The following DSCAM variants were observed in gnomAD, a reference collection of about 807,000 sequenced individuals.
The protein encoded by DSCAM is DS cell adhesion molecule.
Under a neutral mutation model 217.7 loss-of-function variants are expected in DSCAM, and 47 were observed. The ratio of observed to expected loss-of-function variants is 0.22; its 90% CI spans 0.17 to 0.28. The LOEUF (loss-of-function observed/expected upper bound fraction) is 0.28. DSCAM is among the 10% of genes least tolerant of loss of function. The pLI is 1.00. For missense variants in DSCAM, 2,080 were observed against 2,618.3 expected (o/e 0.79, Z 4.49); for synonymous variants, 1,056 against 1,015.3 (o/e 1.04, Z -0.76).
intron 1 of DSCAM, among the ~76,000 whole-genome samples, chr21:40,816,266 T>A (rs1332771210): frequency 6.6e-6 from 1 of 152,134 alleles, no homozygotes; most frequent in South Asian, 2.1e-4. Context: ...TCCTGCACCA[T>A]GTGATGATGA....
chr21:40,183,738 G>T (rs544194251), intron 14 of DSCAM, among the ~76,000 whole-genome samples: 11 of 152,328 alleles, frequency 7.2e-5, no homozygotes, highest in African/African-American at 2.2e-4. Flanking sequence ...TTCTCGGATT[G>T]TTCAAGCATA....
intron 3 of DSCAM, among the ~76,000 whole-genome samples, chr21:40,382,455 T>A (rs1480691923): frequency 6.6e-6 from 1 of 152,240 alleles, no homozygotes; most frequent in Non-Finnish European, 1.5e-5. Flanking sequence ...CTTGGTTGCA[T>A]TTATAATGGG....
chr21:40,071,333 T>C (rs1420063284), intron 27 of DSCAM, among the ~76,000 whole-genome samples: 2 of 152,220 alleles, frequency 1.3e-5, no homozygotes, highest in Non-Finnish European at 2.9e-5. Flanking sequence ...GAGGTCGCCA[T>C]GCTCTAAAAT....
intron 3 of DSCAM, among the ~76,000 whole-genome samples, chr21:40,371,149 A>G (rs917641856): frequency 6.6e-6 from 1 of 152,216 alleles, no homozygotes; most frequent in African/African-American, 2.4e-5. Context: ...CATTTAGTTT[A>G]AAATATGCCA....
intron 3 of DSCAM, among the ~76,000 whole-genome samples, chr21:40,470,563 G>C (rs1048037290): frequency 1.3e-5 from 2 of 152,122 alleles, no homozygotes; most frequent in Non-Finnish European, 2.9e-5. Context: ...TTGTTTATTA[G>C]GTTTTTGAGA....
intron 11 of DSCAM, among the ~76,000 whole-genome samples, chr21:40,256,692 C>A (rs1298447018): frequency 6.6e-6 from 1 of 152,172 alleles, no homozygotes; most frequent in Non-Finnish European, 1.5e-5. Context: ...ATCTACTTTA[C>A]TCAAAAATCT....
In DSCAM at chr21:40,369,385, C is replaced by CGTGTGTGTGT. The variant is rs35564463; in HGVS notation, c.509-150_509-141dup. The CGTGTGTGTGT allele has an allele frequency of 7.8e-3, 3,016 of 385,422 alleles. 36 individuals are homozygous for CGTGTGTGTGT. The highest frequency in any genetic ancestry group is 0.016 in the Admixed American group (363 of 22,458). 23.9% of individuals were successfully genotyped at this position (385,422 alleles called of 1,614,324 possible). On this transcript the variant is annotated intron_variant, in intron 3 of 32. Transcript: ENST00000400454. The stretch of plus-strand genomic sequence containing the variant: ...GGCTAAAAATGGGTGCGTGCGTCTG[C>CGTGTGTGTGT]GTGTGTGTGTGTGTGTGTGTGTGTG...
intron 3 of DSCAM, among the ~76,000 whole-genome samples, chr21:40,543,553 A>T (rs1376414483): frequency 6.6e-6 from 1 of 151,786 alleles, no homozygotes; most frequent in Non-Finnish European, 1.5e-5. Context: ...CTTTATTCAT[A>T]CCTCATGGGA....
rs1429266600 is a variant in DSCAM at position 40,093,705 on chromosome 21, T to C, written c.3850+16A>G. The stretch of plus-strand genomic sequence containing the variant: ...AAGTTACAACAGGAAATGAGGTCCT[T>C]ATAGCCACTGCCTACCTTTTGCTAG... On this transcript the variant is annotated intron_variant, in intron 21 of 32. Transcript: ENST00000400454. 6.2e-7 allele frequency: 1 copy of C among 1,613,874 alleles called. No homozygotes were observed. Among genetic ancestry groups the C allele is most frequent in the African/African-American group, 1.3e-5 (1 of 75,052 alleles).
intron 11 of DSCAM, 101 bp downstream of exon 11, chr21:40,275,996 T>G (rs2123380286): frequency 8.0e-7 from 1 of 1,249,158 alleles, no homozygotes; most frequent in Non-Finnish European, 1.1e-6. Flanking sequence ...TCTTCTTTTG[T>G]GTTGCTTTTA....
At chr21:40,492,493 G>A (rs1013099911) in intron 3 of DSCAM, among the ~76,000 whole-genome samples, 11 of 151,980 alleles carry the variant, frequency 7.2e-5, no homozygotes, top group Non-Finnish European at 1.3e-4. Context: ...AATTCACTGA[G>A]ATCAGGAAAC....
intron 30 of DSCAM, among the ~76,000 whole-genome samples, chr21:40,051,301 T>C (rs2088926738): frequency 6.6e-6 from 1 of 152,220 alleles, no homozygotes; most frequent in Admixed American, 6.5e-5. Context: ...TCTAGATACA[T>C]ATTAGGGGAT....
intron 10 of DSCAM, among the ~76,000 whole-genome samples, chr21:40,283,823 G>A (rs7281530): frequency 2.0e-4 from 30 of 152,320 alleles, no homozygotes; most frequent in African/African-American, 7.0e-4. Context: ...ATGCCTGCAT[G>A]CAAGGAGAGC....
At chr21:40,217,786 T>C (rs573818020) in intron 11 of DSCAM, among the ~76,000 whole-genome samples, 11 of 152,324 alleles carry the variant, frequency 7.2e-5, no homozygotes, top group African/African-American at 2.6e-4. Flanking sequence ...TTTTTTTATA[T>C]GCTTGTTGGC....
chr21:40,700,152 A>G (rs1276479887), intron 2 of DSCAM, among the ~76,000 whole-genome samples: 1 of 152,252 alleles, frequency 6.6e-6, no homozygotes, highest in Non-Finnish European at 1.5e-5. Context: ...ATGCTCTAGA[A>G]ATAAAACAAG....
At chr21:40,520,972 T>C (rs1167963442) in intron 3 of DSCAM, among the ~76,000 whole-genome samples, 1 of 152,218 alleles carries the variant, frequency 6.6e-6, no homozygotes, top group Non-Finnish European at 1.5e-5. Flanking sequence ...GTACAAATAT[T>C]ATGTATTGCT....
At chr21:40,697,903 T>C (rs1414156092) in intron 2 of DSCAM, among the ~76,000 whole-genome samples, 1 of 152,216 alleles carries the variant, frequency 6.6e-6, no homozygotes, top group African/African-American at 2.4e-5. Context: ...GCCTTGAATC[T>C]GTAGATCACT....
intron 11 of DSCAM, among the ~76,000 whole-genome samples, chr21:40,240,282 C>G (rs933034671): frequency 6.6e-6 from 1 of 150,570 alleles, no homozygotes; most frequent in Non-Finnish European, 1.5e-5. Context: ...CTTTCTATTC[C>G]CATTCTACCT....
At chr21:40,366,612 A>C (rs1370455481) in intron 4 of DSCAM, among the ~76,000 whole-genome samples, 1 of 152,132 alleles carries the variant, frequency 6.6e-6, no homozygotes, top group Non-Finnish European at 1.5e-5. Flanking sequence ...ACTTTTTTAA[A>C]AATTTTCATT....
Sources: allele counts gnomAD v4.1 joint callset (sites outside exome capture counted in the v4.1 genomes callset), GRCh38; gene constraint gnomAD v4.1.1; transcripts MANE v1.5; gene names NCBI Gene and HGNC (gene_info 2026-07-23, HGNC 2026-07-21).